ZNF555: variants seen among roughly 807,000 people sequenced by gnomAD.
ZNF555 encodes zinc finger protein 555.
ZNF555 carries 10 observed loss-of-function variants against 14.0 expected under a neutral mutation model. The ratio of observed to expected loss-of-function variants is 0.72; its 90% CI spans 0.44 to 1.21. The LOEUF (loss-of-function observed/expected upper bound fraction) is 1.21. Ranked by LOEUF, ZNF555 falls within the 50% of genes most tolerant of loss-of-function variation. The probability of loss-of-function intolerance (pLI) is 0.00; values close to 1 mark genes in which losing one functional copy is unlikely to be tolerated. For synonymous variants in ZNF555, 277 were observed against 262.4 expected, an observed-to-expected ratio of 1.06 and a Z score of -0.54; for missense variants, 747 against 762.0, an observed-to-expected ratio of 0.98 and a Z score of 0.23.
rs6510709 is a variant in ZNF555, at chr19:2,859,709, A to G, written c.*5757A>G. 0.81 allele frequency: 124,299 copies of G among 152,782 alleles called. 51,195 individuals are homozygous for G. Among genetic ancestry groups the G allele is most frequent in the East Asian group, 1 (5,172 of 5,176 alleles). 9.5% of individuals were successfully genotyped at this position (152,782 alleles called of 1,614,324 possible). On this transcript the variant is annotated 3_prime_UTR_variant, in exon 4 of 4. Transcript: ENST00000334241. ...AGGGCTCAGGGAGGCTCCCACCACC[A>G]CCACCACCAGCACCACCACTCCATC...
chr19:2,851,886 C>G (rs1347168407), intron 3 of ZNF555, among the ~76,000 whole-genome samples: 7 of 152,194 alleles, frequency 4.6e-5, no homozygotes. Context: ...TACGGTGGCT[C>G]ACACCTGTAA....
At chr19:2,845,020 G>A (rs955723392) in intron 1 of ZNF555, among the ~76,000 whole-genome samples, 15 of 152,274 alleles carry the variant, frequency 9.9e-5, no homozygotes, top group Middle Eastern at 3.4e-3. Flanking sequence ...CAGGTTACAA[G>A]GGAATATTGC....
intron 1 of ZNF555, among the ~76,000 whole-genome samples, chr19:2,850,302 T>G (rs1357620243): frequency 1.3e-5 from 2 of 152,254 alleles, no homozygotes; most frequent in Non-Finnish European, 2.9e-5. Context: ...GTTTCACTTA[T>G]ATAGCATTTG....
rs1420403811 is a variant in ZNF555 at position 2,859,652 on chromosome 19, C to T, written c.*5700C>T. 6.6e-6 allele frequency: 1 copy of T among 152,294 alleles called. No homozygotes were observed. The highest frequency in any genetic ancestry group is 1.9e-4 in the East Asian group (1 of 5,180). The allele number at this position is 152,294 out of a possible 1,614,324, so 9.4% of individuals were successfully genotyped here. On this transcript the variant is annotated 3_prime_UTR_variant, in exon 4 of 4. Coordinates refer to ENST00000334241, the MANE Select transcript of ZNF555 (RefSeq NM_152791.5). ...ACTCTTGTCCTGTCGCAGACTCAGG[C>T]TCCCTGTTCTCAGGTTCTTATGTAG...
chr19:2,844,411 G>A (rs1408609736), intron 1 of ZNF555, among the ~76,000 whole-genome samples: 2 of 151,986 alleles, frequency 1.3e-5, no homozygotes, highest in African/African-American at 4.8e-5. Context: ...CCATTTTTAT[G>A]TATTTCTAGC....
chr19:2,850,523 G>A (rs145053825), intron 1 of ZNF555, 64 bp from the exon 2 acceptor site: 1 of 1,585,008 alleles, frequency 6.3e-7, no homozygotes, highest in African/African-American at 1.3e-5. Flanking sequence ...CATACGAATT[G>A]AGTACAATGC....
rs768861661 is a variant in ZNF555, at chr19:2,859,099, C to T, written c.*5147C>T. ...AAGTGGAGTTCCCGAACAGAAGCCC[C>T]TCAGTCTCCGGAAGCCCCGCCCGGC... is the stretch of plus-strand genomic sequence containing the variant. On this transcript the variant is annotated 3_prime_UTR_variant, in exon 4 of 4. Coordinates refer to ENST00000334241, the MANE Select transcript of ZNF555 (RefSeq NM_152791.5). 1.3e-5 allele frequency: 2 copies of T among 152,340 alleles called. No individual in the cohort carries two copies. The highest frequency in any genetic ancestry group is 2.9e-5 in the Non-Finnish European group (2 of 68,124). 9.4% of individuals were successfully genotyped at this position (152,340 alleles called of 1,614,324 possible).
In ZNF555 at chr19:2,855,825, C is replaced by T. The variant is rs367893842; in HGVS notation, c.*1873C>T. The T allele has an allele frequency of 1.3e-5, 2 of 152,128 alleles. No homozygotes were observed. The highest frequency in any genetic ancestry group is 4.8e-5 in the African/African-American group (2 of 41,420). The allele number at this position is 152,128 out of a possible 1,614,324, so 9.4% of individuals were successfully genotyped here. On this transcript the variant is annotated 3_prime_UTR_variant, in exon 4 of 4. Coordinates refer to ENST00000334241, the MANE Select transcript of ZNF555 (RefSeq NM_152791.5). ...TGTGGCAGCATAACTCTAATTTTCA[C>T]ATGGCATTCTCCCTGTGTGTGTGTC...
At position 2,853,719 on chromosome 19, in the gene ZNF555, C is replaced by A. The variant is rs1311166478; in HGVS notation, c.1654C>A (p.Pro552Thr). The A allele has an allele frequency of 6.3e-7, 1 of 1,583,336 alleles. No individual in the cohort carries two copies. The highest frequency in any genetic ancestry group is 8.6e-7 in the Non-Finnish European group (1 of 1,165,652). Residue 552 changes from proline (P) to threonine (T), a missense_variant, in exon 4 of 4, where the codon CCA (proline) becomes ACA (threonine). By Grantham distance (38) the Pro-to-Thr change is conservative. Transcript: ENST00000334241. ...GKVFKWPSSL[P>T]IHMRLHTGEK... ...GGTCTTCAAATGGCCATCATCTTTACCAATACATATGAGACTGCACACTGG... is the reference window on the plus strand; with the variant it reads ...GGTCTTCAAATGGCCATCATCTTTAACAATACATATGAGACTGCACACTGG...
At chr19:2,845,309 A>G (rs1292338213) in intron 1 of ZNF555, among the ~76,000 whole-genome samples, 1 of 152,144 alleles carries the variant, frequency 6.6e-6, no homozygotes, top group Non-Finnish European at 1.5e-5. Flanking sequence ...GTTCTTTTTT[A>G]TGGCTGTGTA....
In ZNF555 at chr19:2,853,514, G is replaced by A. The variant is rs1225795606; in HGVS notation, c.1449G>A (p.Lys483=). 6.2e-7 allele frequency: 1 copy of A among 1,614,024 alleles called. No individual in the cohort carries two copies. ...MHPEDKSYEC[K]LCGKAFYCHI... is the part of the protein sequence containing the mutation. ...CTGAAGACAAATCCTATGAATGCAA[G>A]CTATGTGGGAAAGCTTTCTATTGCC... The change falls in exon 4 of 4, where the codon AAG becomes AAA. Residue 483 remains lysine, a synonymous_variant. Transcript: ENST00000334241.
intron 1 of ZNF555, among the ~76,000 whole-genome samples, chr19:2,848,135 C>T (rs561341958): frequency 1.1e-4 from 17 of 151,446 alleles, no homozygotes; most frequent in African/African-American, 4.1e-4. Flanking sequence ...AAAAACCAAA[C>T]GCTGCTCTTT....
chr19:2,849,896 G>A lies in ZNF555; in HGVS notation c.4-691G>A, dbSNP rs565571579. ...CCTGTGTGTACGAGAGAGAGCCAGC[G>A]TGTGAGAGAGAGAGAACCCAGAATT... is the stretch of plus-strand genomic sequence containing the variant. On this transcript the variant is annotated intron_variant, in intron 1 of 3. Coordinates refer to ENST00000334241, the MANE Select transcript of ZNF555 (RefSeq NM_152791.5). Among the ~76,000 whole-genome samples, 288 of 152,120 alleles carry A rather than the reference G, an allele frequency of 1.9e-3. 3 individuals carry two copies. Among genetic ancestry groups the A allele is most frequent in the Non-Finnish European group, 3.1e-3 (212 of 68,030 alleles).
At position 2,853,662 on chromosome 19, in the gene ZNF555, G is replaced by C; in HGVS notation, c.1597G>C (p.Glu533Gln). The change falls in exon 4 of 4, where the codon GAG becomes CAG. Residue 533 changes from glutamate to glutamine, a missense_variant. Coordinates refer to ENST00000334241, the MANE Select transcript of ZNF555 (RefSeq NM_152791.5). ...LQQHVRTHTV[E>Q]KPYECKECGK... The stretch of plus-strand genomic sequence containing the variant: ...ACAACATGTGAGAACGCACACTGTA[G>C]AGAAGCCCTATGAATGTAAGGAATG... The C allele has an allele frequency of 1.3e-6, 2 of 1,588,360 alleles. No individual in the cohort carries two copies. Among genetic ancestry groups the C allele is most frequent in the South Asian group, 2.3e-5 (2 of 85,550 alleles).
rs183888412 is a variant in ZNF555, at chr19:2,852,831, T to C, written c.766T>C (p.Tyr256His). 1.2e-6 allele frequency: 2 copies of C among 1,614,192 alleles called. No individual in the cohort carries two copies. The highest frequency in any genetic ancestry group is 2.2e-5 in the East Asian group (1 of 44,886). The change falls in exon 4 of 4, where the codon TAT becomes CAT. Residue 256 changes from tyrosine to histidine, a missense_variant. By Grantham distance (83) the Tyr-to-His change is moderately conservative. Coordinates refer to ENST00000334241, the MANE Select transcript of ZNF555 (RefSeq NM_152791.5). ...HLRSHTGEKP[Y>H]KCKECGKAFS... ...CAGAAGTCACACCGGAGAGAAGCCATATAAGTGTAAGGAATGTGGGAAAGC... is the reference window on the plus strand; with the variant it reads ...CAGAAGTCACACCGGAGAGAAGCCACATAAGTGTAAGGAATGTGGGAAAGC...
rs1300640309 is a variant in ZNF555, at chr19:2,855,857, T to A, written c.*1905T>A. The A allele has an allele frequency of 6.6e-6, 1 of 152,132 alleles. No homozygotes were observed. The highest frequency in any genetic ancestry group is 1.5e-5 in the Non-Finnish European group (1 of 68,028). The allele number at this position is 152,132 out of a possible 1,614,324, so 9.4% of individuals were successfully genotyped here. A position where few individuals can be genotyped will look rare whatever the true frequency, so the allele number is the denominator to read the frequency against. On this transcript the variant is annotated 3_prime_UTR_variant, in exon 4 of 4. Coordinates refer to ENST00000334241, the MANE Select transcript of ZNF555 (RefSeq NM_152791.5). ...TTCTCCCTGTGTGTGTGTCTCTCCA[T>A]GTGACAATATTTTTATACATACACA... is the stretch of plus-strand genomic sequence containing the variant.
chr19:2,847,358 G>C (rs972229929), intron 1 of ZNF555: 8 of 152,152 alleles, frequency 5.3e-5, no homozygotes, highest in Admixed American at 5.2e-4. Flanking sequence ...TCAGCGGAGG[G>C]GGGAGGGATA....
intron 1 of ZNF555, among the ~76,000 whole-genome samples, chr19:2,845,758 C>T (rs183383114): frequency 1.8e-4 from 28 of 152,186 alleles, no homozygotes; most frequent in African/African-American, 6.3e-4. Flanking sequence ...TCTTAGAAAG[C>T]CAGGTGGCTT....
At chr19:2,848,090 C>A (rs956202851) in intron 1 of ZNF555, among the ~76,000 whole-genome samples, 4 of 152,122 alleles carry the variant, frequency 2.6e-5, no homozygotes, top group Admixed American at 2.0e-4. Flanking sequence ...CCTTTCAGAA[C>A]ATGGGGGCCC....
Sources: gnomAD v4.1 joint callset for allele counts (sites outside exome capture counted in the v4.1 genomes callset) on GRCh38, gnomAD v4.1.1 for gene constraint, MANE v1.5 for transcripts, NCBI Gene and HGNC (gene_info 2026-07-23, HGNC 2026-07-21) for gene names.